The following ATRN variants were observed in gnomAD, a reference collection of about 807,000 sequenced individuals.
ATRN encodes attractin, also known as attractin-2.
In ATRN, 54 loss-of-function variants were observed where a neutral mutation model predicts 178.7. The ratio of observed to expected loss-of-function variants is 0.30; its 90% CI spans 0.24 to 0.38. ATRN has a LOEUF of 0.38. Ranked by LOEUF, ATRN falls within the 10% of genes least tolerant of loss-of-function variation. The pLI is 1.00. For synonymous variants in ATRN, 636 were observed against 663.0 expected (o/e 0.96, Z 0.63); for missense variants, 1,443 against 1,815.1 (o/e 0.79, Z 3.73).
chr20:3,611,867 A>G (rs1324962226), intron 24 of ATRN, among the ~76,000 whole-genome samples: 1 of 152,242 alleles, frequency 6.6e-6, no homozygotes, highest in Non-Finnish European at 1.5e-5. Flanking sequence ...AGAGTGGGGA[A>G]AGATTGGATC....
intron 3 of ATRN, 140 bp downstream of exon 3, chr20:3,540,475 C>A: frequency 1.7e-6 from 1 of 586,164 alleles, no homozygotes; most frequent in Non-Finnish European, 2.9e-6. Context: ...TTCTTCAGTC[C>A]CATCACTTGT....
At position 3,560,863 on chromosome 20, in the gene ATRN, C is replaced by T; in HGVS notation, c.1405C>T (p.Pro469Ser). The change falls in exon 8 of 29, where the codon CCT (proline) becomes TCT (serine). Residue 469 changes from proline (P) to serine (S), a missense_variant. Transcript: ENST00000262919. Reference protein sequence around the residue: ...VVMLVIFGHCPLYGYISNVQE... With the variant: ...VVMLVIFGHCSLYGYISNVQE... ...CATGCTGGTCATCTTTGGTCACTGC[C>T]CTCTCTATGGATATATAAGCAATGT... 1 of 1,614,002 alleles carries T rather than the reference C, an allele frequency of 6.2e-7. No homozygotes were observed. Among genetic ancestry groups the T allele is most frequent in the Non-Finnish European group, 8.5e-7 (1 of 1,179,996 alleles).
At chr20:3,484,262 AC>A (rs1416323601) in intron 1 of ATRN, among the ~76,000 whole-genome samples, 10 of 151,188 alleles carry the variant, frequency 6.6e-5, no homozygotes, top group African/African-American at 9.7e-5. Flanking sequence ...AAAAAAAAAA[AC>A]AACAAAGAAA....
rs779569046 is a variant in ATRN at position 3,576,886 on chromosome 20, C to T, written c.2242C>T (p.Pro748Ser). Residue 748 changes from proline (P) to serine (S), a missense_variant, in exon 14 of 29, where the codon CCC (proline) becomes TCC (serine). By Grantham distance (74) the Pro-to-Ser change is moderately conservative. Transcript: ENST00000262919. ...CTCCATTTTTAGGTATGAGAATTGCCCCAAGGATAACCCCATGTACTACTG... is the reference window on the plus strand; with the variant it reads ...CTCCATTTTTAGGTATGAGAATTGCTCCAAGGATAACCCCATGTACTACTG... ...QISIFRYENC[P>S]KDNPMYYCNK... 6.2e-7 allele frequency: 1 copy of T among 1,613,968 alleles called. No individual in the cohort carries two copies. The highest frequency in any genetic ancestry group is 8.5e-7 in the Non-Finnish European group (1 of 1,179,974).
chr20:3,589,468 G>A lies in ATRN; in HGVS notation c.3185-1701G>A, dbSNP rs1177209501. ...TTAAGAGCTTGCTCTCTTATATTGT[G>A]GATGCAATAATTTAAGCCTTATTGA... is the stretch of plus-strand genomic sequence containing the variant. On this transcript the variant is annotated intron_variant, in intron 18 of 28. Transcript: ENST00000262919. Among the ~76,000 whole-genome samples the A allele has an allele frequency of 2.6e-5, 4 of 151,288 alleles. No individual in the cohort carries two copies. The East Asian group carries it at 7.7e-4, about 29-fold the overall frequency.
chr20:3,565,288 G>A lies in ATRN; in HGVS notation c.1787-60G>A, dbSNP rs975672290. On this transcript the variant is annotated intron_variant, in intron 10 of 28. Transcript: ENST00000262919. The stretch of plus-strand genomic sequence containing the variant: ...TTGTAGTATTTTTCCCAAAGAAAAT[G>A]TCAGGTCCTGTTGATTAGAAATGGT... 30 of 1,324,906 alleles carry A rather than the reference G, an allele frequency of 2.3e-5. No homozygotes were observed. The South Asian group carries it at 3.7e-4, about 16-fold the overall frequency. The allele number at this position is 1,324,906 out of a possible 1,614,324, so 82.1% of individuals were successfully genotyped here.
rs1379039871 is a variant in ATRN, at chr20:3,619,590, C to A, written c.3802-4921C>A. ...CACATAGTAGATGCAAAAATACAAT[C>A]ATTTTTAAAATGGAAAGCATTTGTT... is the stretch of plus-strand genomic sequence containing the variant. On this transcript the variant is annotated intron_variant, in intron 24 of 28. Transcript: ENST00000262919. 2.6e-5 allele frequency among the ~76,000 whole-genome samples: 4 copies of A among 152,194 alleles called. No homozygotes were observed. The East Asian group carries it at 7.7e-4, about 29-fold the overall frequency.
chr20:3,546,389 G>GTTTTTTTTTTTTTTTTTTTTTTTTTTT (rs559052230), intron 4 of ATRN, among the ~76,000 whole-genome samples: 1 of 113,418 alleles, frequency 8.8e-6, no homozygotes. Context: ...TAGTTCAACT[G>GTTTTTTTTTTTTTTTTTTTTTTTTTTT]TTTTTTTTTT....
At chr20:3,588,619 T>C (rs967084453) in intron 18 of ATRN, among the ~76,000 whole-genome samples, 9 of 152,214 alleles carry the variant, frequency 5.9e-5, no homozygotes, top group African/African-American at 2.2e-4. Flanking sequence ...TGTACATTCA[T>C]GAGGGGGATA....
At chr20:3,601,280 G>C (rs2146286562) in intron 23 of ATRN, among the ~76,000 whole-genome samples, 1 of 152,246 alleles carries the variant, frequency 6.6e-6, no homozygotes, top group Admixed American at 6.5e-5. Context: ...ATACCTACCA[G>C]AGCTTGCTGT....
At chr20:3,519,248 G>A (rs1323800355) in intron 1 of ATRN, among the ~76,000 whole-genome samples, 1 of 152,118 alleles carries the variant, frequency 6.6e-6, no homozygotes, top group Non-Finnish European at 1.5e-5. Context: ...GGCTGAAGCA[G>A]TACTGGGAGA....
chr20:3,504,600 G>A (rs8120891), intron 1 of ATRN, among the ~76,000 whole-genome samples: 22,359 of 149,670 alleles, frequency 0.15, 2,126 homozygotes, highest in Non-Finnish European at 0.21. Flanking sequence ...CAGGAGAATC[G>A]CTTGAAGCTG....
intron 1 of ATRN, among the ~76,000 whole-genome samples, chr20:3,514,295 A>G (rs990114408): frequency 3.3e-5 from 5 of 152,344 alleles, no homozygotes; most frequent in East Asian, 3.9e-4. Context: ...CCCAACTATT[A>G]TAGGTATTTC....
Position 3,645,144 on chromosome 20 carries a change from G to C in ATRN, c.4165+876G>C, listed in dbSNP as rs908772875. Among the ~76,000 whole-genome samples, 1 of 152,174 alleles carries C rather than the reference G, an allele frequency of 6.6e-6. No homozygotes were observed. The highest frequency in any genetic ancestry group is 1.5e-5 in the Non-Finnish European group (1 of 68,034). On this transcript the variant is annotated intron_variant, in intron 28 of 28. Transcript: ENST00000262919. The surrounding 1 kb of genome is among the most constrained non-coding windows in gnomAD (Gnocchi z 4.7). ...TGATCATTTTAGACAACTTTCAGTTGAGATGATTCTGGAGTCAGGGTTACC... is the reference window on the plus strand; with the variant it reads ...TGATCATTTTAGACAACTTTCAGTTCAGATGATTCTGGAGTCAGGGTTACC...
intron 24 of ATRN, among the ~76,000 whole-genome samples, chr20:3,606,468 A>G (rs1452214029): frequency 6.6e-6 from 1 of 152,032 alleles, no homozygotes; most frequent in Non-Finnish European, 1.5e-5. Context: ...TTGTGGTGCC[A>G]CATCTATTCT....
Position 3,594,537 on chromosome 20 carries a change from C to T in ATRN, c.3381C>T (p.Cys1127=), listed in dbSNP as rs777019931. 7.6e-5 allele frequency: 122 copies of T among 1,612,546 alleles called. No individual in the cohort carries two copies. Among genetic ancestry groups the T allele is most frequent in the Admixed American group, 3.3e-5 (2 of 59,928 alleles). ...ACACCAACACGGGCAAGTGCTTCTG[C>T]ACCACCAAGGGCGTCAAGGGGGACG... ...LCNTNTGKCF[C]TTKGVKGDEC... The change falls in exon 20 of 29, where the codon TGC becomes TGT. Residue 1127 remains cysteine, a synonymous_variant. Coordinates refer to ENST00000262919, the MANE Select transcript of ATRN (RefSeq NM_139321.3).
chr20:3,493,770 A>T (rs575555664), intron 1 of ATRN, among the ~76,000 whole-genome samples: 1 of 152,276 alleles, frequency 6.6e-6, no homozygotes, highest in South Asian at 2.1e-4. Flanking sequence ...TTAGCTTCTG[A>T]AATGTTTTTT....
chr20:3,627,497 A>G (rs2086951535), intron 25 of ATRN, among the ~76,000 whole-genome samples: 1 of 152,252 alleles, frequency 6.6e-6, no homozygotes, highest in Non-Finnish European at 1.5e-5. Flanking sequence ...GAAGTACAGT[A>G]GAGAGGATCT....
intron 1 of ATRN, among the ~76,000 whole-genome samples, chr20:3,501,074 A>G (rs2084957684): frequency 6.6e-6 from 1 of 152,136 alleles, no homozygotes; most frequent in East Asian, 1.9e-4. Context: ...AACTGCAAAA[A>G]TATTGTAAAC....
Sources: gnomAD v4.1 joint callset for allele counts (sites outside exome capture counted in the v4.1 genomes callset) on GRCh38, gnomAD v4.1.1 for gene constraint, Gnocchi (gnomAD v3.1) non-coding constraint, MANE v1.5 for transcripts, NCBI Gene and HGNC (gene_info 2026-07-23, HGNC 2026-07-21) for gene names.